Variants in PPP2R5E observed in about 807,000 individuals in gnomAD.
PPP2R5E encodes the protein protein phosphatase 2 regulatory subunit B'epsilon, also known as serine/threonine-protein phosphatase 2A 56 kDa regulatory subunit epsilon isoform.
Under a neutral mutation model 65.3 loss-of-function variants are expected in PPP2R5E, and 4 were observed. The ratio of observed to expected loss-of-function variants is 0.06; its 90% CI spans 0.03 to 0.14. The LOEUF (loss-of-function observed/expected upper bound fraction) is 0.14. Among genes scored for constraint, PPP2R5E ranks in the 10% least tolerant of loss-of-function variants. The pLI is 1.00. For missense variants in PPP2R5E, 274 were observed against 556.1 expected, an observed-to-expected ratio of 0.49 and a Z score of 5.10; for synonymous variants, 183 against 187.4, an observed-to-expected ratio of 0.98 and a Z score of 0.19.
intron 2 of PPP2R5E, among the ~76,000 whole-genome samples, chr14:63,520,281 C>T (rs571492855): frequency 6.6e-6 from 1 of 152,006 alleles, no homozygotes; most frequent in Non-Finnish European, 1.5e-5. Flanking sequence ...ATGATCCGCC[C>T]GCCTCGGCCT....
chr14:63,440,918 C>T (rs1353158663), intron 3 of PPP2R5E, among the ~76,000 whole-genome samples: 1 of 132,940 alleles, frequency 7.5e-6, no homozygotes, highest in African/African-American at 3.1e-5. Context: ...CACTGCACTC[C>T]AGCCTGGGCA....
intron 2 of PPP2R5E, among the ~76,000 whole-genome samples, chr14:63,493,483 C>CGTGTGT (rs10658950): frequency 2.4e-5 from 3 of 126,824 alleles, no homozygotes; most frequent in African/African-American, 8.7e-5. Flanking sequence ...ACCGCGCGCG[C>CGTGTGT]GTGTGTGTGT....
Position 63,453,707 on chromosome 14 carries a change from G to T in PPP2R5E, c.336C>A (p.Tyr112Ter). Residue 112 changes from tyrosine (Y) to a stop codon, truncating the protein, a stop_gained, in exon 3 of 14, where the codon TAC (tyrosine) becomes TAA (stop). Transcript: ENST00000337537. LOFTEE classifies it high-confidence loss of function. ...ISRGCLTEQTYPEVVRMVSCN... is the reference protein window; with the variant it reads ...ISRGCLTEQT ...AACTCACCATTCTAACTACTTCAGG[G>T]TAAGTCTGCTCTGTCAAACAGCCTC... 6.2e-7 allele frequency: 1 copy of T among 1,613,778 alleles called. No individual in the cohort carries two copies.
chr14:63,470,343 G>C (rs1372565109), intron 2 of PPP2R5E, among the ~76,000 whole-genome samples: 7 of 151,778 alleles, frequency 4.6e-5, no homozygotes, highest in African/African-American at 1.7e-4. Flanking sequence ...AAAGTGCTGG[G>C]ATTACAAGTG....
rs1566657220 is a variant in PPP2R5E at position 63,374,670 on chromosome 14, A to ATATAT, written c.*1338_*1339insATATA. The stretch of plus-strand genomic sequence containing the variant: ...ATATATATATATATATATATATATA[A>ATATAT]AATACAGCCCTAGATTTTGTTTTTT... On this transcript the variant is annotated 3_prime_UTR_variant, in exon 14 of 14. Coordinates refer to ENST00000337537, the MANE Select transcript of PPP2R5E (RefSeq NM_006246.5). The ATATAT allele has an allele frequency of 9.0e-6, 1 of 110,890 alleles. No individual in the cohort carries two copies. Among genetic ancestry groups the ATATAT allele is most frequent in the Non-Finnish European group, 1.7e-5 (1 of 59,744 alleles). 6.9% of individuals were successfully genotyped at this position (110,890 alleles called of 1,614,324 possible). A position where few individuals can be genotyped will look rare whatever the true frequency, so the allele number is the denominator to read the frequency against.
intron 2 of PPP2R5E, among the ~76,000 whole-genome samples, chr14:63,501,582 T>C (rs2139669169): frequency 6.6e-6 from 1 of 152,218 alleles, no homozygotes; most frequent in South Asian, 2.1e-4. Flanking sequence ...GAGTGACTGC[T>C]AATGGGCACA....
rs368783705 is a variant in PPP2R5E, at chr14:63,420,909, C to T, written c.456+1084G>A. Among the ~76,000 whole-genome samples the T allele has an allele frequency of 2.3e-5, 3 of 130,310 alleles. 1 individual carries two copies. The highest frequency in any genetic ancestry group is 3.4e-5 in the African/African-American group (1 of 29,622). The allele number at this position is 130,310 out of a possible 152,430, so 85.5% of individuals were successfully genotyped here. On this transcript the variant is annotated intron_variant, in intron 4 of 13. Coordinates refer to ENST00000337537, the MANE Select transcript of PPP2R5E (RefSeq NM_006246.5). ...CTACTAAAAATACAAAAAAATTAGC[C>T]GGGCGTAGTGGCGGGCGCCTGTAGT... is the stretch of plus-strand genomic sequence containing the variant.
chr14:63,533,474 T>TCACCTGAGGTCAGGA (rs1197395723), intron 2 of PPP2R5E, among the ~76,000 whole-genome samples: 1 of 151,932 alleles, frequency 6.6e-6, no homozygotes. Context: ...GGCAGGAAAA[T>TCACCTGAGGTCAGGA]GGCTTGAACC....
intron 5 of PPP2R5E, among the ~76,000 whole-genome samples, chr14:63,407,184 T>C (rs186884352): frequency 3.3e-5 from 5 of 152,348 alleles, no homozygotes; most frequent in Admixed American, 2.0e-4. Context: ...ACAGTAGTTA[T>C]GTCACTTGTC....
At chr14:63,441,650 G>C (rs373638347) in intron 3 of PPP2R5E, among the ~76,000 whole-genome samples, 5 of 152,132 alleles carry the variant, frequency 3.3e-5, no homozygotes, top group Non-Finnish European at 7.4e-5. Context: ...GGTGGTTCAC[G>C]CCTGTAATCC....
intron 5 of PPP2R5E, among the ~76,000 whole-genome samples, chr14:63,410,166 C>T (rs1432587372): frequency 1.3e-5 from 2 of 152,114 alleles, no homozygotes; most frequent in African/African-American, 4.8e-5. Context: ...TTCTGTCTAA[C>T]TGAAGAAAGA....
chr14:63,419,004 G>A (rs956623023), intron 4 of PPP2R5E, among the ~76,000 whole-genome samples: 3 of 151,896 alleles, frequency 2.0e-5, no homozygotes, highest in Non-Finnish European at 4.4e-5. Flanking sequence ...GTGCTGCCAC[G>A]CCTGTCTAAT....
chr14:63,372,957 T>C lies in PPP2R5E; in HGVS notation c.*3052A>G, dbSNP rs1883771298. 1 of 152,104 alleles carries C rather than the reference T, an allele frequency of 6.6e-6. No homozygotes were observed. The highest frequency in any genetic ancestry group is 1.5e-5 in the Non-Finnish European group (1 of 68,008). The allele number at this position is 152,104 out of a possible 1,614,324, so 9.4% of individuals were successfully genotyped here. The stretch of plus-strand genomic sequence containing the variant: ...TTTTCTTTTATAAAAAACAGTCAAA[T>C]GTTAGGGAGAGCAAAATATAATAAA... On this transcript the variant is annotated 3_prime_UTR_variant, in exon 14 of 14. Transcript: ENST00000337537.
At chr14:63,398,559 G>A (rs747562770) in intron 5 of PPP2R5E, among the ~76,000 whole-genome samples, 9 of 152,202 alleles carry the variant, frequency 5.9e-5, no homozygotes, top group East Asian at 3.8e-4. Flanking sequence ...TTTGGAGGCC[G>A]AGGGGGTAGA....
intron 3 of PPP2R5E, among the ~76,000 whole-genome samples, chr14:63,448,133 T>TA (rs747061583): frequency 2.1e-4 from 32 of 151,988 alleles, no homozygotes; most frequent in Admixed American, 1.9e-3. Context: ...CTGTCTCTAC[T>TA]AAAAATACAA....
chr14:63,525,120 T>C (rs1050048227), intron 2 of PPP2R5E, among the ~76,000 whole-genome samples: 3 of 152,202 alleles, frequency 2.0e-5, no homozygotes, highest in African/African-American at 4.8e-5. Context: ...GCGTGCAGCT[T>C]AAATGAGACG....
At chr14:63,456,655 T>C (rs1889142732) in intron 2 of PPP2R5E, among the ~76,000 whole-genome samples, 1 of 152,198 alleles carries the variant, frequency 6.6e-6, no homozygotes, top group Non-Finnish European at 1.5e-5. Context: ...ACACAGTTAA[T>C]AAGCAGTGGA....
At position 63,484,932 on chromosome 14, in the gene PPP2R5E, T is replaced by C. The variant is rs563727451; in HGVS notation, c.158-31047A>G. Among the ~76,000 whole-genome samples the C allele has an allele frequency of 1.7e-3, 266 of 152,346 alleles. 1 individual carries two copies. Among genetic ancestry groups the C allele is most frequent in the Non-Finnish European group, 3.2e-3 (221 of 68,034 alleles). On this transcript the variant is annotated intron_variant, in intron 2 of 13. Coordinates refer to ENST00000337537, the MANE Select transcript of PPP2R5E (RefSeq NM_006246.5). ...TCATCTTTCCTGAGAGGTTGCACTT[T>C]CAACAATACTTCTGTATTAAGGAAC...
intron 3 of PPP2R5E, among the ~76,000 whole-genome samples, chr14:63,443,558 C>T (rs1888340478): frequency 4.6e-5 from 7 of 152,186 alleles, no homozygotes; most frequent in Admixed American, 4.6e-4. Flanking sequence ...ACCTGTACCA[C>T]TGCACTGAAA....
Sources: allele counts gnomAD v4.1 joint callset (sites outside exome capture counted in the v4.1 genomes callset), GRCh38; gene constraint gnomAD v4.1.1; transcripts MANE v1.5; gene names NCBI Gene and HGNC (gene_info 2026-07-23, HGNC 2026-07-21).